PPIL4: variants seen among roughly 807,000 people sequenced by gnomAD.
The protein encoded by PPIL4 is peptidylprolyl isomerase like 4, also known as peptidyl-prolyl cis-trans isomerase-like 4.
A neutral mutation model predicts 69.1 loss-of-function variants in PPIL4; 50 were observed. The ratio of observed to expected loss-of-function variants is 0.72; its 90% confidence interval spans 0.58 to 0.92. The LOEUF is 0.92. Among genes scored for constraint, PPIL4 ranks in the 40% least tolerant of loss-of-function variants. The pLI is 0.00. For synonymous variants in PPIL4, 193 were observed against 191.6 expected (o/e 1.01, Z -0.06); for missense variants, 480 against 587.9 (o/e 0.82, Z 1.90).
At chr6:149,509,737 G>A (rs149977452) in intron 12 of PPIL4, among the ~76,000 whole-genome samples, 198 of 152,226 alleles carry the variant, frequency 1.3e-3, no homozygotes, top group East Asian at 1.9e-3. Flanking sequence ...AAAGTAGTTA[G>A]GAGTATGTTT....
intron 11 of PPIL4, 113 bp downstream of exon 11, chr6:149,517,241 T>G: frequency 1.6e-6 from 1 of 642,798 alleles, no homozygotes; most frequent in East Asian, 3.0e-5. Flanking sequence ...ACAATCTGGA[T>G]TCAGGAAATT....
chr6:149,512,005 C>A (rs2115027436), intron 12 of PPIL4, 150 bp downstream of exon 12: 1 of 539,762 alleles, frequency 1.9e-6, no homozygotes, highest in East Asian at 2.9e-5. Flanking sequence ...ATTAAAATCC[C>A]ATACCCCAGT....
chr6:149,532,168 A>G (rs1315665348), intron 7 of PPIL4, among the ~76,000 whole-genome samples: 1 of 152,222 alleles, frequency 6.6e-6, no homozygotes, highest in Non-Finnish European at 1.5e-5. Context: ...ATAATCAGAG[A>G]GAGAGAAAAA....
Position 149,505,257 on chromosome 6 carries a change from G to T in PPIL4, c.*196C>A. On this transcript the variant is annotated 3_prime_UTR_variant, in exon 13 of 13. Coordinates refer to ENST00000253329, the MANE Select transcript of PPIL4 (RefSeq NM_139126.4). ...ATTTATGTATAACAATAAAATTAGT[G>T]TAAAAAAGTATACAAAGAAAATGTT... 3 of 469,208 alleles carry T rather than the reference G, an allele frequency of 6.4e-6. No homozygotes were observed. The highest frequency in any genetic ancestry group is 1.1e-5 in the Non-Finnish European group (3 of 270,294). 29.1% of individuals were successfully genotyped at this position (469,208 alleles called of 1,614,324 possible). A position where few individuals can be genotyped will look rare whatever the true frequency, so the allele number is the denominator to read the frequency against.
At chr6:149,543,404 G>T (rs545772765) in intron 1 of PPIL4, among the ~76,000 whole-genome samples, 1 of 152,154 alleles carries the variant, frequency 6.6e-6, no homozygotes, top group African/African-American at 2.4e-5. Flanking sequence ...AAGGAAAAAA[G>T]GGGGAGAACC....
chr6:149,526,906 G>C lies in PPIL4; in HGVS notation c.679-130C>G, dbSNP rs1012685078. The C allele has an allele frequency of 4.5e-6, 4 of 889,094 alleles. No individual in the cohort carries two copies. The African/African-American group carries it at 5.1e-5, about 11-fold the overall frequency. The allele number at this position is 889,094 out of a possible 1,614,324, so 55.1% of individuals were successfully genotyped here. On this transcript the variant is annotated intron_variant, in intron 7 of 12. Transcript: ENST00000253329. ...GTTACAAACTGCAGGCTCTGGAAAA[G>C]AAATCCAAATAAGATTTCAAAATTT...
At chr6:149,540,821 CT>C (rs1562262972) in intron 4 of PPIL4, 120 bp downstream of exon 4, 1 of 514,372 alleles carries the variant, frequency 1.9e-6, no homozygotes, top group Non-Finnish European at 3.4e-6. Context: ...ATTTTTTCCC[CT>C]AACACATATT....
chr6:149,507,554 G>T (rs1454545988), intron 12 of PPIL4, among the ~76,000 whole-genome samples: 1 of 152,048 alleles, frequency 6.6e-6, no homozygotes, highest in Non-Finnish European at 1.5e-5. Context: ...TATTGGTTGA[G>T]ACAAACTTTT....
Position 149,534,659 on chromosome 6 carries a change from A to G in PPIL4, c.561+19T>C. On this transcript the variant is annotated intron_variant, in intron 6 of 12. Coordinates refer to ENST00000253329, the MANE Select transcript of PPIL4 (RefSeq NM_139126.4). ...CATTAATATGAATGTACATTTAATC[A>G]TAAGAGGGCTTTACTTACATCTAAT... 1.6e-6 allele frequency: 2 copies of G among 1,225,526 alleles called. No homozygotes were observed. The highest frequency in any genetic ancestry group is 2.4e-6 in the Non-Finnish European group (2 of 849,906). 75.9% of individuals were successfully genotyped at this position (1,225,526 alleles called of 1,614,324 possible).
In PPIL4 at chr6:149,534,822, G is replaced by A. The variant is rs753058450; in HGVS notation, c.465-48C>T. On this transcript the variant is annotated intron_variant, in intron 5 of 12. Coordinates refer to ENST00000253329, the MANE Select transcript of PPIL4 (RefSeq NM_139126.4). The stretch of plus-strand genomic sequence containing the variant: ...AATGTTATACATTGAAGTTATTTCA[G>A]AATCCTATTTTATTTTAATAGATTA... 3 of 1,118,020 alleles carry A rather than the reference G, an allele frequency of 2.7e-6. No homozygotes were observed. In the African/African-American group the frequency reaches 4.8e-5, roughly 18 times the overall value. The allele number at this position is 1,118,020 out of a possible 1,614,324, so 69.3% of individuals were successfully genotyped here.
chr6:149,513,724 T>C (rs1776896469), intron 11 of PPIL4, among the ~76,000 whole-genome samples: 1 of 152,068 alleles, frequency 6.6e-6, no homozygotes, highest in Admixed American at 6.5e-5. Flanking sequence ...AAAAGTATCA[T>C]GTGTCTAGGT....
intron 11 of PPIL4, among the ~76,000 whole-genome samples, chr6:149,514,765 A>AGTGTGTGTGT (rs36117544): frequency 0.026 from 3,881 of 149,428 alleles, 149 homozygotes; most frequent in African/African-American, 0.089. Context: ...TTTTGGTTCA[A>AGTGTGTGTGT]GTGTGTGTGT....
intron 10 of PPIL4, among the ~76,000 whole-genome samples, chr6:149,520,032 A>G (rs945572137): frequency 1.3e-5 from 2 of 152,228 alleles, no homozygotes; most frequent in Non-Finnish European, 2.9e-5. Flanking sequence ...ATATGTACAA[A>G]GGTGGAACAT....
rs367758833 is a variant in PPIL4 at position 149,505,486 on chromosome 6, C to A, written c.1446G>T (p.Lys482Asn). ...KKRDRSRSPK[K>N]SKDKEKSKYR ...ACTTAGATTTTTCTTTATCTTTGGA[C>A]TTCTTTGGACTTCTGCTTCGGTCTC... is the stretch of plus-strand genomic sequence containing the variant. Residue 482 changes from lysine (K) to asparagine (N), a missense_variant, in exon 13 of 13, where the codon AAG becomes AAT. By Grantham distance (94) the Lys-to-Asn change is moderately conservative. Coordinates refer to ENST00000253329, the MANE Select transcript of PPIL4 (RefSeq NM_139126.4). 2 of 1,612,842 alleles carry A rather than the reference C, an allele frequency of 1.2e-6. No individual in the cohort carries two copies. Among genetic ancestry groups the A allele is most frequent in the African/African-American group, 2.7e-5 (2 of 74,780 alleles).
chr6:149,545,369 CT>C (rs1377711704), intron 1 of PPIL4, among the ~76,000 whole-genome samples: 1 of 152,146 alleles, frequency 6.6e-6, no homozygotes, highest in Non-Finnish European at 1.5e-5. Context: ...AAATGGGTTC[CT>C]GTGTCTACTT....
chr6:149,545,977 C>T lies in PPIL4; in HGVS notation c.29G>A (p.Gly10Asp). 1 of 1,588,270 alleles carries T rather than the reference C, an allele frequency of 6.3e-7. No homozygotes were observed. Among genetic ancestry groups the T allele is most frequent in the South Asian group, 1.1e-5 (1 of 88,212 alleles). MAVLLETTL[G>D]DVVIDLYTEE... is the part of the protein sequence containing the mutation. ...GGTGTACAAGTCGATGACGACGTCG[C>T]CTAAAGTGGTCTCCAGTAGAACCGC... is the stretch of plus-strand genomic sequence containing the variant. Residue 10 changes from glycine (G) to aspartate (D), a missense_variant, in exon 1 of 13, where the codon GGC becomes GAC. Physicochemically the swap from Gly to Asp is moderately conservative, Grantham distance 94 (BLOSUM62 -1). Coordinates refer to ENST00000253329, the MANE Select transcript of PPIL4 (RefSeq NM_139126.4).
intron 5 of PPIL4, 42 bp downstream of exon 5, chr6:149,535,554 T>C: frequency 6.5e-7 from 1 of 1,541,636 alleles, no homozygotes; most frequent in Non-Finnish European, 8.9e-7. Context: ...ATCTCAATAT[T>C]AAAACATTCT....
rs575461000 is a variant in PPIL4 at position 149,505,356 on chromosome 6, A to G, written c.*97T>C. The G allele has an allele frequency of 2.1e-5, 24 of 1,159,682 alleles. No homozygotes were observed. In the South Asian group the frequency reaches 3.0e-4, roughly 15 times the overall value. The allele number at this position is 1,159,682 out of a possible 1,614,324, so 71.8% of individuals were successfully genotyped here. A position where few individuals can be genotyped will look rare whatever the true frequency, so the allele number is the denominator to read the frequency against. On this transcript the variant is annotated 3_prime_UTR_variant, in exon 13 of 13. Coordinates refer to ENST00000253329, the MANE Select transcript of PPIL4 (RefSeq NM_139126.4). ...CCATAATCCTAGTATGAAAAAAATA[A>G]CAAGCTTTGACACAAAATCTAAGCA... is the stretch of plus-strand genomic sequence containing the variant.
In PPIL4 at chr6:149,505,081, T is replaced by C. The variant is rs1776747313; in HGVS notation, c.*372A>G. 1 of 158,044 alleles carries C rather than the reference T, an allele frequency of 6.3e-6. No homozygotes were observed. 9.8% of individuals were successfully genotyped at this position (158,044 alleles called of 1,614,324 possible). A position where few individuals can be genotyped will look rare whatever the true frequency, so the allele number is the denominator to read the frequency against. On this transcript the variant is annotated 3_prime_UTR_variant, in exon 13 of 13. Coordinates refer to ENST00000253329, the MANE Select transcript of PPIL4 (RefSeq NM_139126.4). ...AGAGGGCCTTAGGGAACTTCTAAAA[T>C]GTCGACAACATCTGTATCTTAAGCT...
Sources: allele counts gnomAD v4.1 joint callset (sites outside exome capture counted in the v4.1 genomes callset), GRCh38; gene constraint gnomAD v4.1.1; transcripts MANE v1.5; gene names NCBI Gene and HGNC (gene_info 2026-07-23, HGNC 2026-07-21).